Variants in STAU1 observed in about 807,000 individuals in gnomAD.
STAU1 encodes double-stranded RNA-binding protein Staufen homolog 1.
In STAU1, 13 loss-of-function variants were observed where a neutral mutation model predicts 62.9. That is an observed-to-expected ratio of 0.21 (90% confidence interval 0.13 to 0.33). The LOEUF is 0.33. STAU1 is among the 10% of genes least tolerant of loss of function. The pLI is 1.00. For missense variants in STAU1, 571 were observed against 712.1 expected (o/e 0.80, Z 2.25); for synonymous variants, 269 against 265.1 (o/e 1.01, Z -0.14).
At chr20:49,174,295 T>A (rs1397591722) in intron 1 of STAU1, 26 bp from the exon 2 acceptor site, 2 of 152,102 alleles carry the variant, frequency 1.3e-5, no homozygotes, top group Non-Finnish European at 2.9e-5. Flanking sequence ...TAATAATAAT[T>A]TAGTAGGGTA....
At chr20:49,135,241 TAAC>T (rs755008906) in intron 6 of STAU1, among the ~76,000 whole-genome samples, 13 of 152,076 alleles carry the variant, frequency 8.5e-5, no homozygotes, top group Non-Finnish European at 1.8e-4. Flanking sequence ...TAAAAATAAG[TAAC>T]AAAAAAAATT....
At chr20:49,131,222 T>C (rs1342893157) in intron 6 of STAU1, among the ~76,000 whole-genome samples, 2 of 152,178 alleles carry the variant, frequency 1.3e-5, no homozygotes, top group African/African-American at 4.8e-5. Flanking sequence ...GTACTGCAGA[T>C]ACTAAAGATA....
chr20:49,118,172 C>A, intron 10 of STAU1, 76 bp from the exon 11 acceptor site: 1 of 1,476,526 alleles, frequency 6.8e-7, no homozygotes, highest in Non-Finnish European at 9.4e-7. Context: ...TCAAACCCCA[C>A]GCTGGCCCTC....
intron 1 of STAU1, among the ~76,000 whole-genome samples, chr20:49,181,692 G>A (rs1245377904): frequency 7.2e-6 from 1 of 138,756 alleles, no homozygotes; most frequent in Non-Finnish European, 1.5e-5. Context: ...CTTGAACCCA[G>A]GAGGTGGAGG....
the STAU1 span, among the ~76,000 whole-genome samples, chr20:49,197,049 G>C: frequency 6.6e-6 from 1 of 151,904 alleles, no homozygotes; most frequent in Non-Finnish European, 1.5e-5. Flanking sequence ...CAGCTACTCG[G>C]GAGGCTGAGG....
At chr20:49,147,821 G>A (rs961187774) in intron 5 of STAU1, among the ~76,000 whole-genome samples, 2 of 152,158 alleles carry the variant, frequency 1.3e-5, no homozygotes, top group Admixed American at 6.5e-5. Context: ...AGTAAATGAC[G>A]TAACATATTC....
chr20:49,196,352 C>T, the STAU1 span, among the ~76,000 whole-genome samples: 1 of 150,208 alleles, frequency 6.7e-6, no homozygotes, highest in Non-Finnish European at 1.5e-5. Context: ...CGGAGAATGG[C>T]GTGAACCCCG....
At chr20:49,132,883 T>G (rs1190900608) in intron 6 of STAU1, among the ~76,000 whole-genome samples, 1 of 152,220 alleles carries the variant, frequency 6.6e-6, no homozygotes, top group Non-Finnish European at 1.5e-5. Context: ...ACCAAAAACT[T>G]AATCAAAAAT....
At chr20:49,158,006 G>A (rs2093389193) in intron 3 of STAU1, among the ~76,000 whole-genome samples, 2 of 152,130 alleles carry the variant, frequency 1.3e-5, no homozygotes, top group Admixed American at 6.6e-5. Context: ...AAGCGGCCGG[G>A]TGTGGTGGCT....
the STAU1 span, among the ~76,000 whole-genome samples, chr20:49,217,160 T>A: frequency 3.7e-4 from 56 of 151,510 alleles, no homozygotes; most frequent in African/African-American, 1.3e-3. Context: ...AACCCCCCAC[T>A]CCCCGGCGCT....
the STAU1 span, among the ~76,000 whole-genome samples, chr20:49,199,280 G>T: frequency 6.6e-6 from 1 of 151,582 alleles, no homozygotes. Context: ...TGCCAGGCTG[G>T]ATTGCAGTGG....
chr20:49,193,135 G>A (rs1230320464), upstream of STAU1, among the ~76,000 whole-genome samples: 8 of 152,152 alleles, frequency 5.3e-5, no homozygotes, highest in Non-Finnish European at 1.2e-4. Context: ...CCAGCACTTT[G>A]GGAGGCCAAG....
the STAU1 span, among the ~76,000 whole-genome samples, chr20:49,205,307 C>G: frequency 6.6e-6 from 1 of 150,840 alleles, no homozygotes; most frequent in East Asian, 1.9e-4. Context: ...CACACAAGTG[C>G]TCTTATTATA....
At chr20:49,140,811 T>C (rs1315338634) in intron 5 of STAU1, among the ~76,000 whole-genome samples, 3 of 152,202 alleles carry the variant, frequency 2.0e-5, no homozygotes, top group Non-Finnish European at 4.4e-5. Flanking sequence ...GCCTGAATTT[T>C]TTAAAAAGCA....
intron 6 of STAU1, among the ~76,000 whole-genome samples, chr20:49,126,463 G>A (rs1481536383): frequency 1.3e-5 from 2 of 149,752 alleles, no homozygotes; most frequent in Non-Finnish European, 3.0e-5. Flanking sequence ...AGCTATGTGG[G>A]AGGCTAAAAC....
intron 5 of STAU1, among the ~76,000 whole-genome samples, chr20:49,150,870 C>T (rs549392696): frequency 9.6e-4 from 146 of 152,192 alleles, no homozygotes; most frequent in Non-Finnish European, 2.0e-3. Flanking sequence ...ATAAGCAATC[C>T]TTCCATAGGT....
intron 6 of STAU1, among the ~76,000 whole-genome samples, chr20:49,132,989 T>A (rs2092784674): frequency 6.6e-6 from 1 of 152,174 alleles, no homozygotes; most frequent in Non-Finnish European, 1.5e-5. Flanking sequence ...TTGCTCAACA[T>A]AATAATGCAA....
At chr20:49,137,609 C>A (rs961852315) in intron 5 of STAU1, among the ~76,000 whole-genome samples, 2 of 152,076 alleles carry the variant, frequency 1.3e-5, no homozygotes, top group Admixed American at 6.6e-5. Context: ...ATAGGACTAT[C>A]CAAGATTTTA....
the STAU1 span, among the ~76,000 whole-genome samples, chr20:49,204,622 A>ATATG: frequency 2.5e-5 from 1 of 40,606 alleles, no homozygotes; most frequent in African/African-American, 7.7e-5. Flanking sequence ...ATATATATAT[A>ATATG]TGTGTATATA....
Sources: allele counts gnomAD v4.1 joint callset (sites outside exome capture counted in the v4.1 genomes callset), GRCh38; gene constraint gnomAD v4.1.1; transcripts MANE v1.5; gene names NCBI Gene and HGNC (gene_info 2026-07-23, HGNC 2026-07-21).